The following KLHL7 variants were observed in gnomAD, a reference collection of about 807,000 sequenced individuals.
The protein encoded by KLHL7 is kelch like family member 7.
In KLHL7, 44 loss-of-function variants were observed where a neutral mutation model predicts 67.4. That is an observed-to-expected ratio of 0.65 (90% confidence interval 0.51 to 0.84). The LOEUF (loss-of-function observed/expected upper bound fraction) is 0.84, where lower values mean the gene tolerates loss of function less well. KLHL7 is among the 40% of genes least tolerant of loss of function. The pLI, the probability that KLHL7 is intolerant of heterozygous loss-of-function variation, is 0.00. For missense variants in KLHL7, 362 were observed against 718.1 expected (o/e 0.50, Z 5.67); for synonymous variants, 252 against 243.3 (o/e 1.04, Z -0.33).
At chr7:23,137,064 C>A (rs1211230663) in intron 4 of KLHL7, among the ~76,000 whole-genome samples, 2 of 152,190 alleles carry the variant, frequency 1.3e-5, no homozygotes, top group African/African-American at 4.8e-5. Context: ...GTGGGCGGAT[C>A]ACCTGAGGTC....
chr7:23,142,369 A>G (rs900509385), intron 5 of KLHL7, among the ~76,000 whole-genome samples: 1 of 152,196 alleles, frequency 6.6e-6, no homozygotes, highest in Non-Finnish European at 1.5e-5. Context: ...AAAAATTTGC[A>G]CTTAGCAATG....
At chr7:23,116,950 C>G (rs1783112482) in intron 1 of KLHL7, among the ~76,000 whole-genome samples, 1 of 152,104 alleles carries the variant, frequency 6.6e-6, no homozygotes, top group Non-Finnish European at 1.5e-5. Flanking sequence ...TGATCTTTCT[C>G]CTTTTCAAAT....
chr7:23,173,096 T>C lies in KLHL7; in HGVS notation c.1477+51T>C, dbSNP rs759031750. On this transcript the variant is annotated intron_variant, in intron 10 of 10. Coordinates refer to ENST00000339077, the MANE Select transcript of KLHL7 (RefSeq NM_001031710.3). The stretch of plus-strand genomic sequence containing the variant: ...ACTTTCCTGATGAGTTTGCTGATAC[T>C]TCCTTAAATTATTGAAGCATTTTTA... 3.2e-6 allele frequency: 4 copies of C among 1,241,106 alleles called. No individual in the cohort carries two copies. In the South Asian group the frequency reaches 4.8e-5, roughly 15 times the overall value. 76.9% of individuals were successfully genotyped at this position (1,241,106 alleles called of 1,614,324 possible). A position where few individuals can be genotyped will look rare whatever the true frequency, so the allele number is the denominator to read the frequency against.
intron 6 of KLHL7, among the ~76,000 whole-genome samples, chr7:23,145,286 AT>A (rs1171771522): frequency 6.8e-6 from 1 of 146,316 alleles, no homozygotes; most frequent in Non-Finnish European, 1.5e-5. Context: ...AGAGAGCTTG[AT>A]TTTTTTCAAC....
At chr7:23,170,005 T>A (rs1286573915) in intron 9 of KLHL7, among the ~76,000 whole-genome samples, 1 of 152,148 alleles carries the variant, frequency 6.6e-6, no homozygotes, top group Non-Finnish European at 1.5e-5. Flanking sequence ...AGGTCAGGAG[T>A]TCGAGACCAG....
At chr7:23,155,886 G>T (rs888927180) in intron 7 of KLHL7, 154 of 291,616 alleles carry the variant, frequency 5.3e-4, no homozygotes, top group African/African-American at 3.2e-3. Context: ...CATTTAGGAG[G>T]CAGGGAGCAT....
chr7:23,151,993 G>A, intron 6 of KLHL7, 74 bp from the exon 7 acceptor site: 2 of 1,403,324 alleles, frequency 1.4e-6, no homozygotes, highest in Non-Finnish European at 2.0e-6. Context: ...GCCCTATTAT[G>A]TCTGGGTATT....
At chr7:23,165,574 A>T (rs1333563947) in intron 7 of KLHL7, 124 bp from the exon 8 acceptor site, 3 of 1,148,182 alleles carry the variant, frequency 2.6e-6, no homozygotes, top group Non-Finnish European at 3.8e-6. Flanking sequence ...CTCAAGCCAA[A>T]CATTTGTATG....
chr7:23,168,335 G>A (rs751938311), intron 9 of KLHL7, among the ~76,000 whole-genome samples: 4 of 152,108 alleles, frequency 2.6e-5, no homozygotes, highest in Non-Finnish European at 5.9e-5. Context: ...GTTTTTGTTT[G>A]AGCGGTCAGG....
chr7:23,153,003 A>G (rs1784587043), intron 7 of KLHL7, among the ~76,000 whole-genome samples: 1 of 152,202 alleles, frequency 6.6e-6, no homozygotes, highest in South Asian at 2.1e-4. Context: ...ATGATTTTGC[A>G]AACCCATTTT....
At chr7:23,111,356 A>G (rs1415833232) in intron 1 of KLHL7, among the ~76,000 whole-genome samples, 4 of 152,224 alleles carry the variant, frequency 2.6e-5, no homozygotes, top group African/African-American at 7.2e-5. Context: ...TGGAGCACAG[A>G]ACATAAGGCG....
intron 9 of KLHL7, 57 bp from the exon 10 acceptor site, chr7:23,172,891 A>G: frequency 8.4e-7 from 1 of 1,193,398 alleles, no homozygotes. Flanking sequence ...CTTTCTCATT[A>G]GTATGAGTTC....
At chr7:23,112,771 A>T (rs1462168581) in intron 1 of KLHL7, among the ~76,000 whole-genome samples, 2 of 152,202 alleles carry the variant, frequency 1.3e-5, no homozygotes, top group Non-Finnish European at 2.9e-5. Context: ...AATCAGATTA[A>T]TGTAAGCTGA....
intron 6 of KLHL7, among the ~76,000 whole-genome samples, chr7:23,148,409 AACAGCAGCCC>A (rs761192157): frequency 0.091 from 11,647 of 127,586 alleles, 1,275 homozygotes; most frequent in African/African-American, 0.31. Flanking sequence ...AAAAAAAAAA[AACAGCAGCCC>A]CAAAGCTACT....
chr7:23,129,483 T>G, intron 4 of KLHL7: 1 of 300,198 alleles, frequency 3.3e-6, no homozygotes, highest in Non-Finnish European at 6.5e-6. Flanking sequence ...TAGATGAGCT[T>G]ATCAGATAGA....
At chr7:23,125,249 G>T in intron 4 of KLHL7, 77 bp downstream of exon 4, 1 of 1,450,976 alleles carries the variant, frequency 6.9e-7, no homozygotes. Flanking sequence ...TAAAAAGGCT[G>T]ATTTTAAGTA....
intron 7 of KLHL7, among the ~76,000 whole-genome samples, chr7:23,164,783 T>C (rs1784951784): frequency 6.6e-6 from 1 of 152,240 alleles, no homozygotes; most frequent in South Asian, 2.1e-4. Flanking sequence ...GATACGATCA[T>C]AGGTTATCAG....
intron 4 of KLHL7, chr7:23,125,869 C>A: frequency 6.5e-7 from 1 of 1,549,546 alleles, no homozygotes; most frequent in South Asian, 1.2e-5. Flanking sequence ...TGCAGTAGCC[C>A]ACCCTTATCT....
rs771928593 is a variant in KLHL7, at chr7:23,125,832, G to T, written c.442+660G>T. ...TTTCACTGTGTGATGATCCTTAGTG[G>T]CACATGAATGAACGTCCAGATGTTT... On this transcript the variant is annotated intron_variant, in intron 4 of 10. Coordinates refer to ENST00000339077, the MANE Select transcript of KLHL7 (RefSeq NM_001031710.3). 263 of 1,550,322 alleles carry T rather than the reference G, an allele frequency of 1.7e-4. 1 individual carries two copies. Among genetic ancestry groups the T allele is most frequent in the Non-Finnish European group, 2.3e-4 (260 of 1,146,918 alleles).
Sources: allele counts gnomAD v4.1 joint callset (sites outside exome capture counted in the v4.1 genomes callset), GRCh38; gene constraint gnomAD v4.1.1; transcripts MANE v1.5; gene names NCBI Gene and HGNC (gene_info 2026-07-23, HGNC 2026-07-21).